The following ROBO1 variants were observed in gnomAD, a reference collection of about 807,000 sequenced individuals.
ROBO1 encodes the protein roundabout homolog 1.
ROBO1 carries 149 observed loss-of-function variants against 195.9 expected under a neutral mutation model. That is an observed-to-expected ratio of 0.76 (90% CI 0.67 to 0.87). The LOEUF (loss-of-function observed/expected upper bound fraction) is 0.87. Among genes scored for constraint, ROBO1 ranks in the 40% least tolerant of loss-of-function variants. ROBO1 has a pLI of 0.00. For missense variants in ROBO1, 1,933 were observed against 2,068.3 expected, an observed-to-expected ratio of 0.93 and a Z score of 1.27; for synonymous variants, 816 against 733.2, an observed-to-expected ratio of 1.11 and a Z score of -1.82.
intron 2 of ROBO1, among the ~76,000 whole-genome samples, chr3:79,547,184 CAA>C (rs1162585941): frequency 5.2e-4 from 12 of 23,276 alleles, no homozygotes; most frequent in African/African-American, 1.6e-3. Flanking sequence ...GACTCCGCCT[CAA>C]AAAAAAAAAA....
At chr3:79,568,171 A>G (rs994253533) in intron 2 of ROBO1, among the ~76,000 whole-genome samples, 2 of 152,176 alleles carry the variant, frequency 1.3e-5, no homozygotes, top group African/African-American at 4.8e-5. Flanking sequence ...CCAAATCTGC[A>G]GTTAACAACA....
Position 78,717,307 on chromosome 3 carries a change from C to T in ROBO1, c.885G>A (p.Trp295Ter). The change falls in exon 7 of 31, where the codon TGG becomes TGA. Residue 295 changes from tryptophan to a stop codon, truncating the protein, a stop_gained. Coordinates refer to ENST00000464233, the MANE Select transcript of ROBO1 (RefSeq NM_002941.4). LOFTEE classifies it high-confidence loss of function. ...TGGGCAGCTCTCCATCATCTTTCCT[C>T]CATCGTACTGTAGGTACAGGGTCAC... ...ARGDPVPTVR[W>*]RKDDGELPKS... The T allele has an allele frequency of 6.3e-7, 1 of 1,596,638 alleles. No homozygotes were observed.
chr3:79,161,221 A>C (rs2080957946), intron 2 of ROBO1, among the ~76,000 whole-genome samples: 1 of 152,118 alleles, frequency 6.6e-6, no homozygotes, highest in Non-Finnish European at 1.5e-5. Flanking sequence ...TGCCAAGTCA[A>C]GCTGACATAA....
intron 2 of ROBO1, among the ~76,000 whole-genome samples, chr3:79,375,219 G>T (rs2036338920): frequency 6.6e-6 from 1 of 152,142 alleles, no homozygotes; most frequent in Admixed American, 6.6e-5. Context: ...TCTGTGGATT[G>T]TGAAGACATA....
chr3:78,998,937 T>C (rs1012521257), intron 3 of ROBO1, among the ~76,000 whole-genome samples: 3 of 152,014 alleles, frequency 2.0e-5, no homozygotes, highest in Non-Finnish European at 2.9e-5. Context: ...TATTCTGTGA[T>C]ATACAAGTGG....
chr3:78,853,562 C>T (rs945211632), intron 4 of ROBO1, among the ~76,000 whole-genome samples: 1 of 151,682 alleles, frequency 6.6e-6, no homozygotes, highest in Admixed American at 6.6e-5. Flanking sequence ...TTTGTTCAAA[C>T]AGCAGTCTAG....
chr3:78,883,146 G>A (rs1293755160), intron 4 of ROBO1, among the ~76,000 whole-genome samples: 2 of 151,610 alleles, frequency 1.3e-5, no homozygotes, highest in Admixed American at 1.3e-4. Flanking sequence ...TCTTCTCTAC[G>A]GCAGAAGCAC....
intron 21 of ROBO1, among the ~76,000 whole-genome samples, chr3:78,645,765 G>C (rs1381988307): frequency 6.6e-6 from 1 of 152,040 alleles, no homozygotes; most frequent in Non-Finnish European, 1.5e-5. Context: ...CAACTTATGA[G>C]CAATTGCTGT....
At chr3:78,948,249 G>T (rs139650221) in intron 3 of ROBO1, among the ~76,000 whole-genome samples, 1,952 of 152,246 alleles carry the variant, frequency 0.013, 22 homozygotes, top group Non-Finnish European at 0.018. Context: ...GATGAACATT[G>T]ATGCAAAAAT....
chr3:79,227,350 T>C (rs902572764), intron 2 of ROBO1, among the ~76,000 whole-genome samples: 2 of 152,208 alleles, frequency 1.3e-5, no homozygotes, highest in Admixed American at 1.3e-4. Flanking sequence ...GTTCCATCCA[T>C]ATTCAATGTT....
At chr3:79,659,372 G>C (rs1339476391) in intron 1 of ROBO1, among the ~76,000 whole-genome samples, 1 of 151,890 alleles carries the variant, frequency 6.6e-6, no homozygotes, top group Non-Finnish European at 1.5e-5. Flanking sequence ...GATATAAATC[G>C]ATTCTTAGGA....
intron 2 of ROBO1, among the ~76,000 whole-genome samples, chr3:79,462,646 T>C (rs1040619337): frequency 5.9e-5 from 9 of 152,162 alleles, no homozygotes; most frequent in African/African-American, 2.2e-4. Context: ...ATAAAGAATA[T>C]AAAGCTTTTC....
chr3:79,668,513 T>C (rs183756478), intron 1 of ROBO1, among the ~76,000 whole-genome samples: 1 of 151,828 alleles, frequency 6.6e-6, no homozygotes. Flanking sequence ...TTATTAAGAA[T>C]TTTTATTTAT....
chr3:79,110,107 G>A (rs1052876792), intron 3 of ROBO1, among the ~76,000 whole-genome samples: 1 of 151,948 alleles, frequency 6.6e-6, no homozygotes, highest in Non-Finnish European at 1.5e-5. Context: ...GTCCCTTCAG[G>A]TACAAAATGG....
At chr3:79,646,269 C>G (rs954660952) in intron 1 of ROBO1, among the ~76,000 whole-genome samples, 1 of 152,012 alleles carries the variant, frequency 6.6e-6, no homozygotes, top group Non-Finnish European at 1.5e-5. Context: ...AGACACTTCT[C>G]AAAAGAAGAC....
At chr3:78,915,681 TTC>T (rs2038518157) in intron 4 of ROBO1, among the ~76,000 whole-genome samples, 1 of 152,136 alleles carries the variant, frequency 6.6e-6, no homozygotes, top group African/African-American at 2.4e-5. Flanking sequence ...CTTCATTTCT[TTC>T]TGTTTTTTTT....
At chr3:78,747,025 T>C in intron 4 of ROBO1, 125 bp from the exon 5 acceptor site, 1 of 523,654 alleles carries the variant, frequency 1.9e-6, no homozygotes, top group Non-Finnish European at 3.0e-6. Context: ...GCAATACAGC[T>C]TTAAGAATCT....
intron 28 of ROBO1, among the ~76,000 whole-genome samples, chr3:78,611,535 T>C (rs1027828): frequency 0.62 from 93,901 of 152,070 alleles, 29,735 homozygotes; most frequent in Middle Eastern, 0.75. Context: ...CGCCTGTCAG[T>C]GTGACTGTAG....
At chr3:79,104,836 A>G (rs917723448) in intron 3 of ROBO1, among the ~76,000 whole-genome samples, 1 of 151,838 alleles carries the variant, frequency 6.6e-6, no homozygotes, top group African/African-American at 2.4e-5. Flanking sequence ...AACAGTTTGT[A>G]TTAATACAAG....
Sources: allele counts gnomAD v4.1 joint callset (sites outside exome capture counted in the v4.1 genomes callset), GRCh38; gene constraint gnomAD v4.1.1; transcripts MANE v1.5; gene names NCBI Gene and HGNC (gene_info 2026-07-23, HGNC 2026-07-21).